The following JARID2 variants were observed in gnomAD, a reference collection of about 807,000 sequenced individuals.
JARID2 encodes protein Jumonji.
Under a neutral mutation model 125.6 loss-of-function variants are expected in JARID2, and 21 were observed. That is an observed-to-expected ratio of 0.17 (90% confidence interval 0.12 to 0.24). The LOEUF (loss-of-function observed/expected upper bound fraction) is 0.24, where lower values mean the gene tolerates loss of function less well. JARID2 is among the 10% of genes least tolerant of loss of function. JARID2 has a pLI of 1.00. For synonymous variants in JARID2, 736 were observed against 661.6 expected, an observed-to-expected ratio of 1.11 and a Z score of -1.73; for missense variants, 1,303 against 1,639.6, an observed-to-expected ratio of 0.79 and a Z score of 3.55.
At chr6:15,385,659 C>CTG in intron 2 of JARID2, among the ~76,000 whole-genome samples, 1 of 152,208 alleles carries the variant, frequency 6.6e-6, no homozygotes, top group African/African-American at 2.4e-5. Context: ...TCTCCGAAGT[C>CTG]TGTGTTGTGT....
intron 3 of JARID2, among the ~76,000 whole-genome samples, chr6:15,427,498 T>A (rs1766780014): frequency 6.6e-6 from 1 of 152,112 alleles, no homozygotes; most frequent in African/African-American, 2.4e-5. Flanking sequence ...CCATGTAAAT[T>A]ATGGTCTAGT....
chr6:15,316,094 C>CT (rs1184996776), intron 1 of JARID2, among the ~76,000 whole-genome samples: 1 of 151,980 alleles, frequency 6.6e-6, no homozygotes, highest in Non-Finnish European at 1.5e-5. Context: ...GGTCTGCTGG[C>CT]TTGAAAACAT....
chr6:15,294,997 A>G (rs1437512825), intron 1 of JARID2, among the ~76,000 whole-genome samples: 1 of 152,326 alleles, frequency 6.6e-6, no homozygotes, highest in East Asian at 1.9e-4. Context: ...TCCAAATTCA[A>G]GAATTTAGAT....
At chr6:15,321,359 C>A (rs928150470) in intron 1 of JARID2, among the ~76,000 whole-genome samples, 14 of 152,166 alleles carry the variant, frequency 9.2e-5, no homozygotes, top group Admixed American at 2.6e-4. Flanking sequence ...CTAATGAACT[C>A]ACATGTAGTA....
chr6:15,249,133 T>C (rs1198974345), intron 1 of JARID2, among the ~76,000 whole-genome samples: 1 of 152,218 alleles, frequency 6.6e-6, no homozygotes, highest in Non-Finnish European at 1.5e-5. Flanking sequence ...GGTGCATGTG[T>C]CCCCTCTCCA....
At chr6:15,519,189 T>C (rs1448278974) in intron 17 of JARID2, among the ~76,000 whole-genome samples, 1 of 152,252 alleles carries the variant, frequency 6.6e-6, no homozygotes, top group Non-Finnish European at 1.5e-5. Flanking sequence ...CTTGTCCTTA[T>C]GGTAAGGTAG....
chr6:15,408,033 G>A (rs564767639), intron 2 of JARID2, among the ~76,000 whole-genome samples: 1 of 152,238 alleles, frequency 6.6e-6, no homozygotes, highest in African/African-American at 2.4e-5. Flanking sequence ...GGAGGCTGAG[G>A]TGACTGGATC....
Position 15,452,047 on chromosome 6 carries a change from C to G in JARID2, c.365C>G (p.Pro122Arg), listed in dbSNP as rs770962845. Residue 122 changes from proline to arginine, a missense_variant, in exon 4 of 18, where the codon CCG becomes CGG. Coordinates refer to ENST00000341776, the MANE Select transcript of JARID2 (RefSeq NM_004973.4). Reference sequence around the variant, plus strand: ...CAAAGGAAGTTTGCTCAGTCTCAGCCGAATAGTCCCAGCACAACTCCAGTA... The same window carrying G: ...CAAAGGAAGTTTGCTCAGTCTCAGCGGAATAGTCCCAGCACAACTCCAGTA... The part of the protein sequence containing the change: ...QAQRKFAQSQ[P>R]NSPSTTPVKI... The G allele has an allele frequency of 6.2e-7, 1 of 1,613,996 alleles. No homozygotes were observed. Among genetic ancestry groups the G allele is most frequent in the Non-Finnish European group, 8.5e-7 (1 of 1,179,982 alleles).
chr6:15,478,027 CT>C (rs1769430874), intron 5 of JARID2, among the ~76,000 whole-genome samples: 1 of 152,184 alleles, frequency 6.6e-6, no homozygotes. Flanking sequence ...GATTATCATC[CT>C]TTCCCTGTTT....
chr6:15,494,996 G>A (rs1192834026), intron 6 of JARID2, among the ~76,000 whole-genome samples: 1 of 152,182 alleles, frequency 6.6e-6, no homozygotes, highest in African/African-American at 2.4e-5. Flanking sequence ...TGATTTTTAG[G>A]CTTCTTCCTT....
At chr6:15,497,650 C>CAAAAAAAAA (rs67874437) in intron 7 of JARID2, among the ~76,000 whole-genome samples, 3 of 133,488 alleles carry the variant, frequency 2.2e-5, no homozygotes, top group Non-Finnish European at 3.2e-5. Flanking sequence ...GATTCCGTCT[C>CAAAAAAAAA]AAAAAAAAAA....
chr6:15,439,304 ATCC>A (rs1473619465), intron 3 of JARID2, among the ~76,000 whole-genome samples: 3 of 152,118 alleles, frequency 2.0e-5, no homozygotes, highest in Non-Finnish European at 2.9e-5. Context: ...ATGGATCTCT[ATCC>A]TCCTCCTGTA....
intron 4 of JARID2, among the ~76,000 whole-genome samples, chr6:15,468,332 T>C (rs889689826): frequency 7.9e-5 from 12 of 152,312 alleles, no homozygotes; most frequent in African/African-American, 2.4e-4. Flanking sequence ...ATTTGTTCTA[T>C]TTTGCATCTT....
At chr6:15,505,641 C>T (rs1233045408) in intron 9 of JARID2, among the ~76,000 whole-genome samples, 3 of 152,350 alleles carry the variant, frequency 2.0e-5, no homozygotes, top group South Asian at 2.1e-4. Flanking sequence ...CCATTTTCAT[C>T]GTCTTAGGAC....
At chr6:15,512,490 G>T in intron 14 of JARID2, 100 bp downstream of exon 14, 1 of 1,083,876 alleles carries the variant, frequency 9.2e-7, no homozygotes, top group South Asian at 1.4e-5. Flanking sequence ...GTGTCTATTT[G>T]TCAATAGTTC....
intron 1 of JARID2, among the ~76,000 whole-genome samples, chr6:15,334,700 A>G (rs775617404): frequency 1.3e-5 from 2 of 152,162 alleles, no homozygotes; most frequent in Non-Finnish European, 2.9e-5. Context: ...TGTTTCTTCA[A>G]TACTGTAATA....
chr6:15,374,324 T>C (rs908902461), intron 2 of JARID2, 72 bp downstream of exon 2: 23 of 1,521,810 alleles, frequency 1.5e-5, no homozygotes, highest in Admixed American at 5.1e-5. Flanking sequence ...CTGAATTGGA[T>C]GTATTCTGGC....
At chr6:15,278,290 C>G (rs1030841436) in intron 1 of JARID2, among the ~76,000 whole-genome samples, 2 of 149,494 alleles carry the variant, frequency 1.3e-5, no homozygotes, top group South Asian at 2.1e-4. Context: ...AAATTTCAAT[C>G]GAAACACTGC....
chr6:15,365,399 G>T (rs939309603), intron 1 of JARID2, among the ~76,000 whole-genome samples: 2 of 152,148 alleles, frequency 1.3e-5, no homozygotes, highest in African/African-American at 4.8e-5. Flanking sequence ...TCTGTTCCCT[G>T]ACTGCACCCT....
Sources: allele counts gnomAD v4.1 joint callset (sites outside exome capture counted in the v4.1 genomes callset), GRCh38; gene constraint gnomAD v4.1.1; transcripts MANE v1.5; gene names NCBI Gene and HGNC (gene_info 2026-07-23, HGNC 2026-07-21).